Variants in APBB1 observed in about 807,000 individuals in gnomAD.
APBB1 encodes adaptor protein FE65a2.
In APBB1, 22 loss-of-function variants were observed where a neutral mutation model predicts 78.4. The ratio of observed to expected loss-of-function variants is 0.28; its 90% CI spans 0.20 to 0.40. The LOEUF (loss-of-function observed/expected upper bound fraction) is 0.40. Among genes scored for constraint, APBB1 ranks in the 10% least tolerant of loss-of-function variants. The pLI, the probability that APBB1 is intolerant of heterozygous loss-of-function variation, is 1.00. For missense variants in APBB1, 749 were observed against 932.4 expected, an observed-to-expected ratio of 0.80 and a Z score of 2.56; for synonymous variants, 369 against 372.7, an observed-to-expected ratio of 0.99 and a Z score of 0.12.
intron 2 of APBB1, among the ~76,000 whole-genome samples, chr11:6,407,128 C>T (rs1277440701): frequency 6.6e-6 from 1 of 152,236 alleles, no homozygotes; most frequent in Non-Finnish European, 1.5e-5. Flanking sequence ...AGCCTCATTT[C>T]TGCAGGAGCA....
chr11:6,404,677 C>T (rs1250648602), intron 2 of APBB1: 86 of 1,536,092 alleles, frequency 5.6e-5, no homozygotes, highest in Non-Finnish European at 7.1e-5. Flanking sequence ...CCCGCTCATG[C>T]GTCCTCTAAC....
intron 12 of APBB1, 52 bp from the exon 13 acceptor site, chr11:6,396,267 G>A (rs1252263372): frequency 1.4e-6 from 2 of 1,440,242 alleles, no homozygotes; most frequent in African/African-American, 1.4e-5. Flanking sequence ...GGATACCCCA[G>A]CTCTACCCTG....
At position 6,410,747 on chromosome 11, in the gene APBB1, C is replaced by A; in HGVS notation, c.601G>T (p.Glu201Ter). Residue 201 changes from glutamate (E) to a stop codon, truncating the protein, a stop_gained, in exon 2 of 15, where the codon GAA becomes TAA. Transcript: ENST00000609360. LOFTEE classifies it high-confidence loss of function. ...RPQALTDGPR[E>*]HSKSASLLFG... is the part of the protein sequence containing the mutation. ...AGGAGGCTGGCACTCTTGCTGTGTT[C>A]CCGGGGGCCATCTGTAAGGGCTTGG... 1 of 1,579,054 alleles carries A rather than the reference C, an allele frequency of 6.3e-7. No homozygotes were observed. Among genetic ancestry groups the A allele is most frequent in the Non-Finnish European group, 8.6e-7 (1 of 1,162,190 alleles).
intron 2 of APBB1, chr11:6,404,743 A>AC (rs1435345380): frequency 3.3e-6 from 5 of 1,535,868 alleles, no homozygotes; most frequent in Non-Finnish European, 4.4e-6. Context: ...GCTGCCCCTC[A>AC]CCTGCGCTGC....
intron 12 of APBB1, 34 bp from the exon 13 acceptor site, chr11:6,396,249 T>A: frequency 6.5e-7 from 1 of 1,527,596 alleles, no homozygotes; most frequent in Non-Finnish European, 8.9e-7. Context: ...CCACTGAGGG[T>A]AGACAGAGGA....
At position 6,401,417 on chromosome 11, in the gene APBB1, G is replaced by A. The variant is rs757918798; in HGVS notation, c.1516C>T (p.Arg506Trp). 39 of 1,613,894 alleles carry A rather than the reference G, an allele frequency of 2.4e-5. No individual in the cohort carries two copies. Among genetic ancestry groups the A allele is most frequent in the South Asian group, 3.3e-5 (3 of 91,080 alleles). ...TTTACCAAGCAGCGGGCATTACGCC[G>A]TTCGGCCATGATCTGAGGAAGGAAG... is the stretch of plus-strand genomic sequence containing the variant. ...HEICSKIMAERRNARCLVNGL... is the reference protein window; with the variant it reads ...HEICSKIMAEWRNARCLVNGL... The change falls in exon 11 of 15, where the codon CGG (arginine) becomes TGG (tryptophan). Residue 506 changes from arginine (R) to tryptophan (W), a missense_variant. Transcript: ENST00000609360. This position sits in a 1 kb window ranked among gnomAD's most constrained non-coding sequence, Gnocchi z 4.5.
rs769592950 is a variant in APBB1, at chr11:6,403,652, A to G, written c.892T>C (p.Ser298Pro). The G allele has an allele frequency of 1.2e-6, 2 of 1,607,948 alleles. No individual in the cohort carries two copies. The highest frequency in any genetic ancestry group is 1.7e-6 in the Non-Finnish European group (2 of 1,176,490). ...PSQGSSPQEE[S>P]QLTWTGFAHG... ...AACAGGCCTGTGAGCCTCACCTGGG[A>G]CTCCTCTTGGGGGCTGCTCCCCTGT... Residue 298 changes from serine to proline, a missense_variant, in exon 3 of 15, where the codon TCC becomes CCC. Physicochemically the swap from Ser to Pro is moderately conservative, Grantham distance 74. Transcript: ENST00000609360. The surrounding 1 kb of genome is among the most constrained non-coding windows in gnomAD (Gnocchi z 5.3).
chr11:6,402,483 C>A, intron 7 of APBB1, 93 bp downstream of exon 7: 1 of 1,400,630 alleles, frequency 7.1e-7, no homozygotes, highest in Non-Finnish European at 1.0e-6. Flanking sequence ...CCCCCTTCCC[C>A]AGCCTGCTTG....
chr11:6,412,484 C>T (rs1175236829), intron 1 of APBB1, among the ~76,000 whole-genome samples: 1 of 152,182 alleles, frequency 6.6e-6, no homozygotes, highest in Admixed American at 6.5e-5. Flanking sequence ...ATGTCACAGC[C>T]TCAGTGAAGC....
intron 1 of APBB1, among the ~76,000 whole-genome samples, chr11:6,416,419 G>T (rs1849117543): frequency 6.6e-6 from 1 of 152,030 alleles, no homozygotes; most frequent in African/African-American, 2.4e-5. Flanking sequence ...CTCCATTTCA[G>T]ACCCCTCACC....
Position 6,401,165 on chromosome 11 carries a change from A to T in APBB1, c.1589-93T>A. On this transcript the variant is annotated intron_variant, in intron 11 of 14. Coordinates refer to ENST00000609360, the MANE Select transcript of APBB1 (RefSeq NM_001164.5). The surrounding 1 kb of genome is among the most constrained non-coding windows in gnomAD (Gnocchi z 4.5). ...CATAAGCTGGACACTTGCCCAGCCG[A>T]GGCCCTACTTTCATCTCGTCCCCTG... is the stretch of plus-strand genomic sequence containing the variant. The T allele has an allele frequency of 3.1e-6, 5 of 1,613,248 alleles. No homozygotes were observed. Among genetic ancestry groups the T allele is most frequent in the Non-Finnish European group, 4.2e-6 (5 of 1,179,550 alleles).
rs755325884 is a variant in APBB1 at position 6,411,003 on chromosome 11, G to A, written c.345C>T (p.His115=). The change falls in exon 2 of 15, where the codon CAC becomes CAT. Residue 115 remains histidine (H), a synonymous_variant. Transcript: ENST00000609360. This position sits in a 1 kb window ranked among gnomAD's most constrained non-coding sequence, Gnocchi z 5.2. The part of the protein sequence containing the change: ...MAPLGPKGLI[H]LYSELELSAH... The stretch of plus-strand genomic sequence containing the variant: ...CTGAGAGCTCCAGCTCAGAGTACAG[G>A]TGTATCAGGCCTTTGGGGCCCAAGG... The A allele has an allele frequency of 9.7e-5, 157 of 1,614,024 alleles. 1 individual carries two copies. In the South Asian group the frequency reaches 1.6e-3, roughly 17 times the overall value.
upstream of APBB1, chr11:6,419,272 ACACCC>A: frequency 3.5e-6 from 1 of 282,486 alleles, no homozygotes; most frequent in Non-Finnish European, 6.6e-6. Flanking sequence ...CTCCCAGCAG[ACACCC>A]CTGCAGCCGA....
intron 1 of APBB1, among the ~76,000 whole-genome samples, chr11:6,414,441 C>T (rs1041401664): frequency 1.3e-5 from 2 of 152,156 alleles, no homozygotes; most frequent in African/African-American, 4.8e-5. Flanking sequence ...ATTCCCATTA[C>T]CAAAGAGAGT....
In APBB1 at chr11:6,402,092, C is replaced by G; in HGVS notation, c.1372G>C (p.Asp458His). The change falls in exon 8 of 15, where the codon GAC becomes CAC. Residue 458 changes from aspartate (D) to histidine (H), a missense_variant. Physicochemically the swap from Asp to His is moderately conservative, Grantham distance 81. Transcript: ENST00000609360. Reference protein sequence around the residue: ...ISIRVWGVGRDSGRERDFAYV... With the variant: ...ISIRVWGVGRHSGRERDFAYV... ...AAGCCCTATTCCCACCTTCCACTGTCCCGCCCGACGCCCCACACGCGGATG... is the reference window on the plus strand; with the variant it reads ...AAGCCCTATTCCCACCTTCCACTGTGCCGCCCGACGCCCCACACGCGGATG... 1.2e-6 allele frequency: 2 copies of G among 1,614,064 alleles called. No individual in the cohort carries two copies. The highest frequency in any genetic ancestry group is 1.7e-6 in the Non-Finnish European group (2 of 1,179,966).
chr11:6,396,157 T>G lies in APBB1; in HGVS notation c.1731A>C (p.Gln577His). 1 of 1,552,674 alleles carries G rather than the reference T, an allele frequency of 6.4e-7. No individual in the cohort carries two copies. Among genetic ancestry groups the G allele is most frequent in the Non-Finnish European group, 8.7e-7 (1 of 1,147,700 alleles). ...CCACACTGACATGACTTGGGGTCCA[T>G]TGTTCACGGCTGCTGGAGGACAGGA... ...ESVLSSSSREQWTPSHVSVAP... is the reference protein window; with the variant it reads ...ESVLSSSSREHWTPSHVSVAP... Residue 577 changes from glutamine (Q) to histidine (H), a missense_variant, in exon 13 of 15, where the codon CAA becomes CAC. Physicochemically the swap from Gln to His is conservative, Grantham distance 24 (BLOSUM62 0). Coordinates refer to ENST00000609360, the MANE Select transcript of APBB1 (RefSeq NM_001164.5).
intron 2 of APBB1, chr11:6,405,768 T>C (rs61876776): frequency 0.096 from 76,677 of 795,600 alleles, 3,897 homozygotes; most frequent in Middle Eastern, 0.13. Flanking sequence ...TCACACTCTA[T>C]GGAATAAGGT....
Position 6,395,181 on chromosome 11 carries a change from G to GT in APBB1, c.*352_*353insA, listed in dbSNP as rs1205225212. 7.9e-6 allele frequency: 2 copies of GT among 251,982 alleles called. No individual in the cohort carries two copies. Among genetic ancestry groups the GT allele is most frequent in the African/African-American group, 4.5e-5 (2 of 44,348 alleles). 15.6% of individuals were successfully genotyped at this position (251,982 alleles called of 1,614,324 possible). ...ATACAGCAGAGGTGCCCATGGAGCA[G>GT]GGGGAAGGGACCCATGCCTGGACCA... On this transcript the variant is annotated 3_prime_UTR_variant, in exon 15 of 15. Coordinates refer to ENST00000609360, the MANE Select transcript of APBB1 (RefSeq NM_001164.5). The surrounding 1 kb of genome is among the most constrained non-coding windows in gnomAD (Gnocchi z 5.2).
At position 6,395,397 on chromosome 11, in the gene APBB1, A is replaced by C; in HGVS notation, c.*137T>G. 1.1e-6 allele frequency: 1 copy of C among 912,106 alleles called. No individual in the cohort carries two copies. Among genetic ancestry groups the C allele is most frequent in the Non-Finnish European group, 1.6e-6 (1 of 638,028 alleles). The allele number at this position is 912,106 out of a possible 1,614,324, so 56.5% of individuals were successfully genotyped here. On this transcript the variant is annotated 3_prime_UTR_variant, in exon 15 of 15. Transcript: ENST00000609360. The surrounding 1 kb of genome is among the most constrained non-coding windows in gnomAD (Gnocchi z 5.2). ...ATCTCTCCCTCCCCAGCTCCTAGGC[A>C]GGGAACCGTAGCTACTGGGGAGGGG...
Sources: allele counts gnomAD v4.1 joint callset (sites outside exome capture counted in the v4.1 genomes callset), GRCh38; gene constraint gnomAD v4.1.1; non-coding constraint Gnocchi (gnomAD v3.1); transcripts MANE v1.5; gene names NCBI Gene and HGNC (gene_info 2026-07-23, HGNC 2026-07-21).